STARD13: variants seen among roughly 807,000 people sequenced by gnomAD.
STARD13 encodes the protein stAR-related lipid transfer protein 13.
Under a neutral mutation model 106.4 loss-of-function variants are expected in STARD13, and 62 were observed. That is an observed-to-expected ratio of 0.58 (90% CI 0.48 to 0.72). STARD13 has a LOEUF of 0.72. STARD13 is among the 30% of genes least tolerant of loss of function. The pLI is 0.00. For synonymous variants in STARD13, 565 were observed against 553.0 expected (o/e 1.02, Z -0.31); for missense variants, 1,387 against 1,424.0 (o/e 0.97, Z 0.42).
chr13:33,152,952 T>C (rs1881479368), intron 3 of STARD13, among the ~76,000 whole-genome samples: 1 of 152,142 alleles, frequency 6.6e-6, no homozygotes, highest in Non-Finnish European at 1.5e-5. Context: ...GAGTAAGTGA[T>C]AAAGCCTAAA....
At chr13:33,410,465 A>G in the STARD13 span, among the ~76,000 whole-genome samples, 6 of 152,204 alleles carry the variant, frequency 3.9e-5, no homozygotes, top group Non-Finnish European at 8.8e-5. Context: ...CATGAGGCCA[A>G]TGTTTATAGG....
chr13:33,516,648 TTAC>T, the STARD13 span, among the ~76,000 whole-genome samples: 2 of 152,070 alleles, frequency 1.3e-5, no homozygotes, highest in African/African-American at 2.4e-5. Context: ...TCCTATTGGG[TTAC>T]CACCTAGAGC....
intron 1 of STARD13, among the ~76,000 whole-genome samples, chr13:33,318,284 A>G (rs536573263): frequency 6.6e-6 from 1 of 152,224 alleles, no homozygotes; most frequent in Non-Finnish European, 1.5e-5. Flanking sequence ...TATTTATTTT[A>G]ATATAAGAAT....
the STARD13 span, among the ~76,000 whole-genome samples, chr13:33,599,580 A>T: frequency 1.3e-5 from 2 of 152,124 alleles, no homozygotes; most frequent in Non-Finnish European, 2.9e-5. Flanking sequence ...ATGAGCCTAA[A>T]TTACCGTGCC....
chr13:33,171,109 A>G (rs1883904729), intron 1 of STARD13, among the ~76,000 whole-genome samples: 1 of 152,120 alleles, frequency 6.6e-6, no homozygotes. Context: ...AGTGTGAAAA[A>G]CTCTTTTTTA....
intron 1 of STARD13, among the ~76,000 whole-genome samples, chr13:33,260,660 C>T (rs7318094): frequency 0.19 from 29,667 of 152,154 alleles, 3,278 homozygotes; most frequent in African/African-American, 0.27. Context: ...CTTTCATGTA[C>T]ATGTTTTGTA....
upstream of STARD13, chr13:33,285,789 G>C (rs763905057): frequency 2.1e-6 from 3 of 1,445,744 alleles, no homozygotes; most frequent in Admixed American, 5.5e-5. Context: ...CCACAACTCA[G>C]AATTCCAACC....
chr13:33,131,840 AT>A (rs936926534), intron 4 of STARD13, among the ~76,000 whole-genome samples: 4 of 152,190 alleles, frequency 2.6e-5, no homozygotes, highest in Non-Finnish European at 5.9e-5. Context: ...CACTTATAAG[AT>A]TGAAGCGGGT....
chr13:33,439,506 C>G, the STARD13 span, among the ~76,000 whole-genome samples: 2 of 152,190 alleles, frequency 1.3e-5, no homozygotes, highest in Non-Finnish European at 2.9e-5. Context: ...CCAGAGAAAA[C>G]CCAATGAACT....
chr13:33,221,577 G>A (rs191445460), intron 1 of STARD13, among the ~76,000 whole-genome samples: 13 of 152,142 alleles, frequency 8.5e-5, no homozygotes, highest in Non-Finnish European at 1.6e-4. Flanking sequence ...TCCTCTGTTC[G>A]GCCAACTCAG....
chr13:33,413,321 A>G, the STARD13 span, among the ~76,000 whole-genome samples: 1 of 152,160 alleles, frequency 6.6e-6, no homozygotes, highest in African/African-American at 2.4e-5. Context: ...GAAAAGTCTC[A>G]AATCAATAAT....
At chr13:33,474,599 C>T in the STARD13 span, among the ~76,000 whole-genome samples, 25 of 151,562 alleles carry the variant, frequency 1.6e-4, no homozygotes, top group South Asian at 4.8e-3. Flanking sequence ...CTCTAATATA[C>T]CAGCTGGCTT....
At chr13:33,447,238 T>A in the STARD13 span, among the ~76,000 whole-genome samples, 1 of 152,230 alleles carries the variant, frequency 6.6e-6, no homozygotes, top group Non-Finnish European at 1.5e-5. Flanking sequence ...CGTCCGTCTC[T>A]TGTACAACTA....
the STARD13 span, among the ~76,000 whole-genome samples, chr13:33,426,748 T>C: frequency 6.6e-6 from 1 of 152,200 alleles, no homozygotes; most frequent in Non-Finnish European, 1.5e-5. Flanking sequence ...AGTGTACTTA[T>C]TTGTTTTAAA....
chr13:33,415,678 G>T, the STARD13 span, among the ~76,000 whole-genome samples: 1 of 151,840 alleles, frequency 6.6e-6, no homozygotes, highest in Non-Finnish European at 1.5e-5. Context: ...TGTGTATAAT[G>T]CTGGTTTCAT....
the STARD13 span, among the ~76,000 whole-genome samples, chr13:33,359,852 A>G: frequency 1.3e-5 from 2 of 152,198 alleles, no homozygotes; most frequent in African/African-American, 4.8e-5. Flanking sequence ...TCCATCAGCA[A>G]TGAGATTAAA....
At chr13:33,161,882 A>G (rs2138339094) in intron 3 of STARD13, among the ~76,000 whole-genome samples, 1 of 152,264 alleles carries the variant, frequency 6.6e-6, no homozygotes, top group African/African-American at 2.4e-5. Context: ...GAAAATGAGG[A>G]AGATGCAAAA....
the STARD13 span, among the ~76,000 whole-genome samples, chr13:33,621,812 CT>C: frequency 1.0e-3 from 149 of 142,984 alleles, no homozygotes; most frequent in Middle Eastern, 3.6e-3. Context: ...ATTTTTTTTT[CT>C]TTTTTTTTTG....
the STARD13 span, among the ~76,000 whole-genome samples, chr13:33,627,096 T>A: frequency 0.026 from 4,000 of 152,322 alleles, 153 homozygotes; most frequent in African/African-American, 0.09. Flanking sequence ...TCACAAACAC[T>A]AATATTTTAT....
Sources: gnomAD v4.1 joint callset for allele counts (sites outside exome capture counted in the v4.1 genomes callset) on GRCh38, gnomAD v4.1.1 for gene constraint, MANE v1.5 for transcripts, NCBI Gene and HGNC (gene_info 2026-07-23, HGNC 2026-07-21) for gene names.